The following IRAG1 variants were observed in gnomAD, a reference collection of about 807,000 sequenced individuals.
The protein encoded by IRAG1 is inositol 1,4,5-triphosphate receptor associated 1.
A neutral mutation model predicts 106.2 loss-of-function variants in IRAG1; 62 were observed. The ratio of observed to expected loss-of-function variants is 0.58; its 90% CI spans 0.48 to 0.72. The LOEUF (loss-of-function observed/expected upper bound fraction) is 0.72, where lower values mean the gene tolerates loss of function less well. Among genes scored for constraint, IRAG1 ranks in the 30% least tolerant of loss-of-function variants. IRAG1 has a pLI of 0.00. For synonymous variants in IRAG1, 462 were observed against 443.9 expected (o/e 1.04, Z -0.51); for missense variants, 1,064 against 1,140.7 (o/e 0.93, Z 0.97).
At chr11:10,653,469 C>A (rs1858687285) in intron 1 of IRAG1, among the ~76,000 whole-genome samples, 1 of 152,180 alleles carries the variant, frequency 6.6e-6, no homozygotes, top group South Asian at 2.1e-4. Flanking sequence ...GCCAACAGAC[C>A]TGAGCCAATG....
chr11:10,596,000 A>G (rs1853258772), intron 15 of IRAG1, among the ~76,000 whole-genome samples: 1 of 152,154 alleles, frequency 6.6e-6, no homozygotes, highest in Non-Finnish European at 1.5e-5. Flanking sequence ...CTCCAGCCCC[A>G]CGCATGTTCC....
rs1347158913 is a variant in IRAG1 at position 10,647,140 on chromosome 11, G to A, written c.225+4885C>T. ...AGTGGCTTTGGGAACACAGGACAAC[G>A]TACTGTTGGCCCAGGTCCCAGAGCT... On this transcript the variant is annotated intron_variant, in intron 2 of 20. Transcript: ENST00000423302. This position sits in a 1 kb window ranked among gnomAD's most constrained non-coding sequence, Gnocchi z 4.3. 1.3e-5 allele frequency among the ~76,000 whole-genome samples: 2 copies of A among 152,120 alleles called. No individual in the cohort carries two copies. Among genetic ancestry groups the A allele is most frequent in the East Asian group, 1.9e-4 (1 of 5,152 alleles).
chr11:10,639,513 A>G (rs1489072086), intron 2 of IRAG1, among the ~76,000 whole-genome samples: 1 of 152,200 alleles, frequency 6.6e-6, no homozygotes, highest in Non-Finnish European at 1.5e-5. Flanking sequence ...AAACCAGCAT[A>G]GAAGGAACTT....
intron 10 of IRAG1, among the ~76,000 whole-genome samples, chr11:10,616,580 C>T (rs1325639240): frequency 2.0e-5 from 3 of 152,160 alleles, no homozygotes; most frequent in Non-Finnish European, 4.4e-5. Context: ...ACCCTTTATG[C>T]ATTTCATAAT....
At chr11:10,641,064 T>A (rs1006014865) in intron 2 of IRAG1, among the ~76,000 whole-genome samples, 2 of 152,138 alleles carry the variant, frequency 1.3e-5, no homozygotes, top group Admixed American at 1.3e-4. Context: ...CTCTCTCGAC[T>A]GAATCTTGCT....
At chr11:10,602,078 T>C (rs1854077216) in intron 14 of IRAG1, among the ~76,000 whole-genome samples, 1 of 152,224 alleles carries the variant, frequency 6.6e-6, no homozygotes, top group Non-Finnish European at 1.5e-5. Flanking sequence ...CCCACAGTCA[T>C]GCGTGGCTGA....
At chr11:10,582,345 C>T (rs1851479712) in intron 18 of IRAG1, among the ~76,000 whole-genome samples, 1 of 152,158 alleles carries the variant, frequency 6.6e-6, no homozygotes, top group South Asian at 2.1e-4. Flanking sequence ...TATCTTTCAC[C>T]TGAAGACCCC....
chr11:10,595,425 C>CTT (rs1371477931), intron 15 of IRAG1, among the ~76,000 whole-genome samples: 2 of 152,116 alleles, frequency 1.3e-5, no homozygotes, highest in Non-Finnish European at 2.9e-5. Flanking sequence ...TATTTTTAAC[C>CTT]TTTAGCATGT....
At chr11:10,664,978 C>G (rs1314553876) in intron 1 of IRAG1, among the ~76,000 whole-genome samples, 1 of 152,160 alleles carries the variant, frequency 6.6e-6, no homozygotes, top group Non-Finnish European at 1.5e-5. Context: ...CCAATGAATA[C>G]CCCTTTTTTC....
At chr11:10,627,806 C>G (rs11042899) in intron 7 of IRAG1, 46 bp from the exon 8 acceptor site, 1 of 1,612,426 alleles carries the variant, frequency 6.2e-7, no homozygotes, top group East Asian at 2.2e-5. Context: ...GGGAAGAGAC[C>G]GTGTTTCCTC....
chr11:10,652,371 C>T, intron 1 of IRAG1, 189 bp from the exon 2 acceptor site: 1 of 1,414,358 alleles, frequency 7.1e-7, no homozygotes, highest in Middle Eastern at 2.0e-4. Context: ...TTTACAAAGT[C>T]AGAGGTGACC....
chr11:10,644,060 G>C (rs958180567), intron 2 of IRAG1, among the ~76,000 whole-genome samples: 2 of 152,216 alleles, frequency 1.3e-5, no homozygotes, highest in African/African-American at 4.8e-5. Context: ...TGGTGGAACT[G>C]TCCTCTTGAG....
At chr11:10,680,318 GA>G (rs1861057782) in intron 1 of IRAG1, among the ~76,000 whole-genome samples, 1 of 97,528 alleles carries the variant, frequency 1.0e-5, no homozygotes, top group African/African-American at 4.1e-5. Flanking sequence ...GGGAGGGAGG[GA>G]GGGGGGAAGG....
intron 1 of IRAG1, among the ~76,000 whole-genome samples, chr11:10,690,714 G>C (rs1861992275): frequency 6.6e-6 from 1 of 152,180 alleles, no homozygotes; most frequent in Non-Finnish European, 1.5e-5. Context: ...TTTGGACCAA[G>C]GTGGCTTGAG....
chr11:10,634,753 T>TTGTGTG (rs57266330), intron 2 of IRAG1, among the ~76,000 whole-genome samples: 10,478 of 144,886 alleles, frequency 0.072, 529 homozygotes, highest in African/African-American at 0.13. Context: ...AATAATATTC[T>TTGTGTG]TGTGTGTGTG....
intron 1 of IRAG1, 47 bp downstream of exon 1, chr11:10,693,489 T>C (rs1243352390): frequency 6.5e-7 from 1 of 1,534,952 alleles, no homozygotes; most frequent in Admixed American, 2.0e-5. Flanking sequence ...TTCCCTCCGC[T>C]TCCCAGCCGA....
rs1273680483 is a variant in IRAG1, at chr11:10,631,980, C to T, written c.400+11G>A. On this transcript the variant is annotated intron_variant, in intron 4 of 20. Transcript: ENST00000423302. Reference sequence around the variant, plus strand: ...TCTACTCAACATGCCTTAGATTGCCCTGGTCCTTACCCACAGATGTCAGGG... The same window carrying T: ...TCTACTCAACATGCCTTAGATTGCCTTGGTCCTTACCCACAGATGTCAGGG... 6.2e-7 allele frequency: 1 copy of T among 1,612,938 alleles called. No homozygotes were observed. Among genetic ancestry groups the T allele is most frequent in the Admixed American group, 1.7e-5 (1 of 60,006 alleles).
At chr11:10,582,049 C>T in intron 18 of IRAG1, 63 bp from the exon 19 acceptor site, 1 of 1,544,754 alleles carries the variant, frequency 6.5e-7, no homozygotes, top group Non-Finnish European at 8.8e-7. Flanking sequence ...AAAAACAAAA[C>T]CATGTTTTTG....
intron 9 of IRAG1, among the ~76,000 whole-genome samples, chr11:10,624,484 A>G (rs1383666098): frequency 6.6e-6 from 1 of 152,172 alleles, no homozygotes; most frequent in African/African-American, 2.4e-5. Context: ...GTGGGCTCAC[A>G]CCTGCTCTAA....
Sources: gnomAD v4.1 joint callset for allele counts (sites outside exome capture counted in the v4.1 genomes callset) on GRCh38, gnomAD v4.1.1 for gene constraint, Gnocchi (gnomAD v3.1) non-coding constraint, MANE v1.5 for transcripts, NCBI Gene and HGNC (gene_info 2026-07-23, HGNC 2026-07-21) for gene names.